The following PCDH15 variants were observed in gnomAD, a reference collection of about 807,000 sequenced individuals.
PCDH15 encodes protocadherin-15.
A neutral mutation model predicts 178.5 loss-of-function variants in PCDH15; 129 were observed. The ratio of observed to expected loss-of-function variants is 0.72; its 90% CI spans 0.63 to 0.84. PCDH15 has a LOEUF of 0.84. PCDH15 is among the 40% of genes least tolerant of loss of function. The pLI is 0.00. For synonymous variants in PCDH15, 800 were observed against 732.0 expected (o/e 1.09, Z -1.50); for missense variants, 2,230 against 2,099.9 (o/e 1.06, Z -1.21).
At chr10:55,192,806 T>C (rs1013112243) in intron 1 of PCDH15, among the ~76,000 whole-genome samples, 1 of 151,400 alleles carries the variant, frequency 6.6e-6, no homozygotes, top group African/African-American at 2.4e-5. Context: ...TGCATACATG[T>C]ACATACATAC....
chr10:54,766,809 A>C (rs888584537), intron 1 of PCDH15, among the ~76,000 whole-genome samples: 1 of 151,964 alleles, frequency 6.6e-6, no homozygotes, highest in African/African-American at 2.4e-5. Context: ...GGCGCCTGTA[A>C]GTCCCAGCTA....
At chr10:55,333,274 A>G (rs1483609989) in intron 2 of PCDH15, among the ~76,000 whole-genome samples, 1 of 152,194 alleles carries the variant, frequency 6.6e-6, no homozygotes. Flanking sequence ...ACTCTGAATC[A>G]GATTAATACT....
intron 8 of PCDH15, among the ~76,000 whole-genome samples, chr10:54,237,868 A>G (rs1051530557): frequency 2.6e-5 from 4 of 152,200 alleles, no homozygotes; most frequent in African/African-American, 7.2e-5. Context: ...TTGAAAGCCA[A>G]TTAACTGTAC....
At chr10:54,344,057 T>C (rs1450620076) in intron 6 of PCDH15, among the ~76,000 whole-genome samples, 1 of 152,144 alleles carries the variant, frequency 6.6e-6, no homozygotes, top group East Asian at 1.9e-4. Flanking sequence ...ATGTATTTTC[T>C]CACAGGTCTT....
intron 25 of PCDH15, among the ~76,000 whole-genome samples, chr10:53,910,332 G>A (rs1274871423): frequency 6.6e-6 from 1 of 152,178 alleles, no homozygotes; most frequent in Middle Eastern, 3.2e-3. Flanking sequence ...AGCAATATTT[G>A]CTGTGCTGAA....
chr10:54,922,365 G>T (rs1266830304), intron 2 of PCDH15, among the ~76,000 whole-genome samples: 1 of 152,104 alleles, frequency 6.6e-6, no homozygotes, highest in Admixed American at 6.6e-5. Context: ...TATTCCAAAA[G>T]AGAGAAATTG....
chr10:54,365,179 T>C (rs1369433898), intron 5 of PCDH15, among the ~76,000 whole-genome samples: 2 of 152,090 alleles, frequency 1.3e-5, no homozygotes, highest in Admixed American at 6.6e-5. Context: ...GCCAGGTAAG[T>C]GTACAGATAT....
At chr10:53,861,335 CATT>C (rs1339850668) in intron 27 of PCDH15, among the ~76,000 whole-genome samples, 1 of 151,994 alleles carries the variant, frequency 6.6e-6, no homozygotes, top group African/African-American at 2.4e-5. Context: ...TTTCCATCAT[CATT>C]GAGATTGATA....
chr10:54,643,643 T>C (rs1045540853), intron 2 of PCDH15, among the ~76,000 whole-genome samples: 2 of 152,066 alleles, frequency 1.3e-5, no homozygotes, highest in African/African-American at 4.8e-5. Context: ...TTTTGTTCTC[T>C]GTTAGAGCAA....
intron 2 of PCDH15, among the ~76,000 whole-genome samples, chr10:55,378,328 T>A (rs1837448429): frequency 6.6e-6 from 1 of 152,060 alleles, no homozygotes; most frequent in African/African-American, 2.4e-5. Flanking sequence ...TTAGCAATTG[T>A]CAAAGAAGGG....
At chr10:54,786,180 G>A (rs578035187) in intron 1 of PCDH15, among the ~76,000 whole-genome samples, 1 of 152,110 alleles carries the variant, frequency 6.6e-6, no homozygotes, top group East Asian at 1.9e-4. Context: ...CCGGCAGCTT[G>A]ATGAGAGCAT....
chr10:54,313,877 G>A (rs857379), intron 8 of PCDH15, among the ~76,000 whole-genome samples: 109,007 of 151,826 alleles, frequency 0.72, 39,972 homozygotes, highest in Middle Eastern at 0.83. Context: ...ATGATTCTTT[G>A]TAAAATTAAG....
intron 2 of PCDH15, among the ~76,000 whole-genome samples, chr10:54,643,173 C>T (rs1469988766): frequency 6.6e-6 from 1 of 152,200 alleles, no homozygotes; most frequent in Non-Finnish European, 1.5e-5. Flanking sequence ...AATCTGCCCA[C>T]CTTGGCCTCC....
At chr10:53,867,909 T>C (rs914472109) in intron 26 of PCDH15, among the ~76,000 whole-genome samples, 1 of 152,154 alleles carries the variant, frequency 6.6e-6, no homozygotes, top group African/African-American at 2.4e-5. Context: ...TAAACATATT[T>C]GTTCCTGGTG....
intron 3 of PCDH15, among the ~76,000 whole-genome samples, chr10:54,878,510 A>T (rs1421757459): frequency 6.6e-6 from 1 of 152,148 alleles, no homozygotes; most frequent in East Asian, 1.9e-4. Flanking sequence ...TTCGACTTTG[A>T]GGAGATTCAA....
intron 2 of PCDH15, among the ~76,000 whole-genome samples, chr10:55,051,867 G>T (rs1171963280): frequency 6.6e-6 from 1 of 152,018 alleles, no homozygotes; most frequent in Non-Finnish European, 1.5e-5. Context: ...AGAATACTTG[G>T]GCTCCAGTGC....
chr10:54,934,997 G>T (rs554369746), intron 2 of PCDH15, among the ~76,000 whole-genome samples: 10 of 150,954 alleles, frequency 6.6e-5, no homozygotes, highest in African/African-American at 2.4e-4. Flanking sequence ...ACCAAACACC[G>T]CATGTTCTCA....
chr10:54,455,784 T>C (rs1458905658), intron 3 of PCDH15, among the ~76,000 whole-genome samples: 1 of 151,818 alleles, frequency 6.6e-6, no homozygotes, highest in East Asian at 1.9e-4. Flanking sequence ...GGAAAAATGG[T>C]TTTGTGCCCC....
chr10:55,537,724 T>C (rs1224928989), intron 2 of PCDH15, among the ~76,000 whole-genome samples: 2 of 152,104 alleles, frequency 1.3e-5, no homozygotes, highest in Admixed American at 1.3e-4. Flanking sequence ...TGAGCCACCA[T>C]GCCCGGCCAC....
Sources: allele counts gnomAD v4.1 joint callset (sites outside exome capture counted in the v4.1 genomes callset), GRCh38; gene constraint gnomAD v4.1.1; transcripts MANE v1.5; gene names NCBI Gene and HGNC (gene_info 2026-07-23, HGNC 2026-07-21).